CCDC149: variants seen among roughly 807,000 people sequenced by gnomAD.
CCDC149 encodes the protein coiled-coil domain-containing protein 149.
In CCDC149, 45 loss-of-function variants were observed where a neutral mutation model predicts 59.9. That is an observed-to-expected ratio of 0.75 (90% CI 0.59 to 0.96). CCDC149 has a LOEUF of 0.96. Among genes scored for constraint, CCDC149 ranks in the 40% least tolerant of loss-of-function variants. The pLI is 0.00. For missense variants in CCDC149, 584 were observed against 664.7 expected, an observed-to-expected ratio of 0.88 and a Z score of 1.33; for synonymous variants, 245 against 260.6, an observed-to-expected ratio of 0.94 and a Z score of 0.58.
intron 12 of CCDC149, among the ~76,000 whole-genome samples, chr4:24,811,329 A>G (rs946458569): frequency 5.3e-5 from 8 of 152,050 alleles, no homozygotes; most frequent in African/African-American, 1.9e-4. Flanking sequence ...GCTGATTCAT[A>G]TCTTCGATCC....
chr4:24,877,015 G>A (rs1200620828), intron 1 of CCDC149, among the ~76,000 whole-genome samples: 1 of 152,038 alleles, frequency 6.6e-6, no homozygotes, highest in Non-Finnish European at 1.5e-5. Context: ...ATCCAGATAA[G>A]ATTATGTAAA....
At chr4:24,931,768 C>T (rs1722593191) in intron 1 of CCDC149, among the ~76,000 whole-genome samples, 1 of 144,458 alleles carries the variant, frequency 6.9e-6, no homozygotes, top group South Asian at 2.2e-4. Context: ...AACAATGTCT[C>T]CTGCCTCTGA....
rs80314794 is a variant in CCDC149, at chr4:24,857,251, G to C, written c.265-4072C>G. 4.7e-4 allele frequency among the ~76,000 whole-genome samples: 71 copies of C among 152,010 alleles called. 1 individual carries two copies. Among genetic ancestry groups the C allele is most frequent in the African/African-American group, 1.7e-3 (69 of 41,482 alleles). The stretch of plus-strand genomic sequence containing the variant: ...GTAAACCAGTACAACTCAATCTGTT[G>C]GTGGGAAAAGAGTTCTCTTTTCTCA... On this transcript the variant is annotated intron_variant, in intron 3 of 12. Coordinates refer to ENST00000635206, the MANE Select transcript of CCDC149 (RefSeq NM_001330643.2).
chr4:24,803,945 T>C (rs1713997628), downstream of CCDC149, among the ~76,000 whole-genome samples: 1 of 152,222 alleles, frequency 6.6e-6, no homozygotes, highest in Non-Finnish European at 1.5e-5. This position sits in a 1 kb window ranked among gnomAD's most constrained non-coding sequence, Gnocchi z 4.3. Context: ...TCCTATTTTT[T>C]CTGCTACTCA....
At chr4:24,916,437 T>C (rs1234867125), upstream of CCDC149, among the ~76,000 whole-genome samples, 4 of 152,180 alleles carry the variant, frequency 2.6e-5, no homozygotes, top group African/African-American at 7.2e-5. Flanking sequence ...TTTGAACTTA[T>C]TGTTAGCAAC....
In CCDC149 at chr4:24,837,755, G is replaced by A. The variant is rs879478206; in HGVS notation, c.490-355C>T. Among the ~76,000 whole-genome samples, 4 of 152,176 alleles carry A rather than the reference G, an allele frequency of 2.6e-5. No individual in the cohort carries two copies. Among genetic ancestry groups the A allele is most frequent in the Non-Finnish European group, 4.4e-5 (3 of 68,032 alleles). ...TGTTCTGCTCTTCAGTTAGTAAGAG[G>A]AAGAAAATGAACTTTAGGCTCTCTT... On this transcript the variant is annotated intron_variant, in intron 5 of 12. Coordinates refer to ENST00000635206, the MANE Select transcript of CCDC149 (RefSeq NM_001330643.2). This position sits in a 1 kb window ranked among gnomAD's most constrained non-coding sequence, Gnocchi z 4.3.
chr4:24,977,818 A>C (rs184702046), intron 1 of CCDC149, among the ~76,000 whole-genome samples: 2 of 152,374 alleles, frequency 1.3e-5, no homozygotes, highest in Non-Finnish European at 2.9e-5. Flanking sequence ...ATACACACAT[A>C]GTAACAAGGT....
At chr4:24,939,661 A>G (rs1406363806) in intron 1 of CCDC149, among the ~76,000 whole-genome samples, 1 of 152,150 alleles carries the variant, frequency 6.6e-6, no homozygotes, top group East Asian at 1.9e-4. Context: ...AAAATAGACG[A>G]ATGGATAACT....
intron 9 of CCDC149, chr4:24,826,808 A>G (rs1034414583): frequency 6.6e-6 from 1 of 152,278 alleles, no homozygotes; most frequent in Non-Finnish European, 1.5e-5. Flanking sequence ...AGTCCAAGGG[A>G]CTGGGCTGAG....
chr4:24,896,860 G>GA (rs373913094), intron 1 of CCDC149, among the ~76,000 whole-genome samples: 9 of 148,832 alleles, frequency 6.0e-5, no homozygotes, highest in South Asian at 2.1e-4. Context: ...TGGACCAAAA[G>GA]AAAAAAAAAA....
intron 1 of CCDC149, among the ~76,000 whole-genome samples, chr4:24,907,393 C>T (rs1721598189): frequency 6.6e-6 from 1 of 152,198 alleles, no homozygotes; most frequent in Admixed American, 6.5e-5. Flanking sequence ...CCTAGCTCCA[C>T]TCACAGTCCA....
intron 1 of CCDC149, among the ~76,000 whole-genome samples, chr4:24,966,312 C>T (rs1422774894): frequency 1.3e-5 from 2 of 152,098 alleles, no homozygotes; most frequent in African/African-American, 4.8e-5. Flanking sequence ...ATGCGGCAGG[C>T]TATGTTTGAC....
At chr4:24,856,493 A>T (rs1048123291) in intron 3 of CCDC149, among the ~76,000 whole-genome samples, 1 of 152,242 alleles carries the variant, frequency 6.6e-6, no homozygotes, top group African/African-American at 2.4e-5. Context: ...TGAGAAGGCC[A>T]CATTTACATC....
chr4:24,868,704 C>T (rs1718846312), intron 3 of CCDC149, among the ~76,000 whole-genome samples: 3 of 152,160 alleles, frequency 2.0e-5, no homozygotes, highest in Admixed American at 6.5e-5. Flanking sequence ...ACTTTTGCTA[C>T]AATGCAAGTT....
At chr4:24,861,873 C>G (rs1409774694) in intron 3 of CCDC149, among the ~76,000 whole-genome samples, 1 of 152,124 alleles carries the variant, frequency 6.6e-6, no homozygotes, top group Non-Finnish European at 1.5e-5. Context: ...ATACACCACC[C>G]TAAATGATGC....
chr4:24,913,003 T>C lies in CCDC149; in HGVS notation c.-124A>G, dbSNP rs1721990787. On this transcript the variant is annotated 5_prime_UTR_variant, in exon 1 of 13. Transcript: ENST00000635206. ...GCCTCCGAGCCGCTGCGCCGCCGCCTCTCGCGGCCGCCAGCGCTGTTGACT... is the reference window on the plus strand; with the variant it reads ...GCCTCCGAGCCGCTGCGCCGCCGCCCCTCGCGGCCGCCAGCGCTGTTGACT... 1 of 250,772 alleles carries C rather than the reference T, an allele frequency of 4.0e-6. No individual in the cohort carries two copies. Among genetic ancestry groups the C allele is most frequent in the Non-Finnish European group, 6.4e-6 (1 of 155,226 alleles). 15.5% of individuals were successfully genotyped at this position (250,772 alleles called of 1,614,324 possible). A position where few individuals can be genotyped will look rare whatever the true frequency, so the allele number is the denominator to read the frequency against.
intron 1 of CCDC149, among the ~76,000 whole-genome samples, chr4:24,975,636 G>A (rs1724153607): frequency 6.6e-6 from 1 of 151,682 alleles, no homozygotes; most frequent in Non-Finnish European, 1.5e-5. Flanking sequence ...GCTCATTGAT[G>A]GGGCTTGGGT....
At chr4:24,856,404 T>G (rs1197803873) in intron 3 of CCDC149, among the ~76,000 whole-genome samples, 1 of 152,174 alleles carries the variant, frequency 6.6e-6, no homozygotes, top group Non-Finnish European at 1.5e-5. Flanking sequence ...GTGTGCTAGA[T>G]GATAACATGC....
chr4:24,946,832 T>A (rs1304598372), intron 1 of CCDC149, among the ~76,000 whole-genome samples: 2 of 152,208 alleles, frequency 1.3e-5, no homozygotes, highest in East Asian at 3.8e-4. Context: ...ACAGATGCAC[T>A]TTTAGAGTTT....
Sources: gnomAD v4.1 joint callset for allele counts (sites outside exome capture counted in the v4.1 genomes callset) on GRCh38, gnomAD v4.1.1 for gene constraint, Gnocchi (gnomAD v3.1) non-coding constraint, MANE v1.5 for transcripts, NCBI Gene and HGNC (gene_info 2026-07-23, HGNC 2026-07-21) for gene names.